Variants in PI4KA observed in about 807,000 individuals in gnomAD.
The protein encoded by PI4KA is phosphatidylinositol 4-kinase alpha.
In PI4KA, 122 loss-of-function variants were observed where a neutral mutation model predicts 271.4. That is an observed-to-expected ratio of 0.45 (90% CI 0.39 to 0.52). The LOEUF is 0.52. Among genes scored for constraint, PI4KA ranks in the 20% least tolerant of loss-of-function variants. The pLI is 0.00. For synonymous variants in PI4KA, 1,041 were observed against 1,078.8 expected (o/e 0.96, Z 0.69); for missense variants, 1,969 against 2,769.1 (o/e 0.71, Z 6.48).
intron 4 of PI4KA, among the ~76,000 whole-genome samples, chr22:20,821,278 G>A (rs1352228858): frequency 6.6e-6 from 1 of 152,146 alleles, no homozygotes; most frequent in Non-Finnish European, 1.5e-5. Context: ...GAGTGCAGTG[G>A]CATGATCTTG....
intron 1 of PI4KA, among the ~76,000 whole-genome samples, chr22:20,843,209 C>A (rs1011550079): frequency 6.6e-6 from 1 of 151,800 alleles, no homozygotes; most frequent in Non-Finnish European, 1.5e-5. Flanking sequence ...GAAAAAAATA[C>A]GGCCAGGCAT....
At chr22:20,731,738 G>A (rs1336713207) in intron 36 of PI4KA, among the ~76,000 whole-genome samples, 1 of 152,176 alleles carries the variant, frequency 6.6e-6, no homozygotes, top group Non-Finnish European at 1.5e-5. Flanking sequence ...GACCATCCTG[G>A]CTAACACGGT....
At chr22:20,782,160 C>G (rs911735653) in intron 19 of PI4KA, among the ~76,000 whole-genome samples, 3 of 152,162 alleles carry the variant, frequency 2.0e-5, no homozygotes, top group Non-Finnish European at 4.4e-5. Context: ...TTGGAGCCCC[C>G]CAAGTACACC....
chr22:20,739,291 A>T (rs1347786049), intron 32 of PI4KA, among the ~76,000 whole-genome samples: 1 of 150,942 alleles, frequency 6.6e-6, no homozygotes, highest in Non-Finnish European at 1.5e-5. Context: ...GTGAGCCAAG[A>T]TCGGGCCACT....
chr22:20,815,944 T>G (rs1023556205), intron 7 of PI4KA, among the ~76,000 whole-genome samples: 5 of 152,016 alleles, frequency 3.3e-5, no homozygotes, highest in Non-Finnish European at 5.9e-5. Flanking sequence ...AACTTCTTTT[T>G]TTTTTTTCCT....
intron 30 of PI4KA, among the ~76,000 whole-genome samples, chr22:20,744,075 C>T (rs1929778807): frequency 6.6e-6 from 1 of 151,988 alleles, no homozygotes; most frequent in Non-Finnish European, 1.5e-5. Context: ...CAAAAACAAA[C>T]AAACAAAAAG....
intron 18 of PI4KA, chr22:20,793,449 A>G (rs932923258): frequency 8.7e-5 from 43 of 494,946 alleles, no homozygotes; most frequent in Non-Finnish European, 1.3e-4. Flanking sequence ...AAAATAAACC[A>G]TGGTTACATA....
At chr22:20,752,822 T>C in intron 25 of PI4KA, 81 bp downstream of exon 25, 1 of 1,442,254 alleles carries the variant, frequency 6.9e-7, no homozygotes, top group Non-Finnish European at 9.7e-7. Flanking sequence ...ATTAATAATA[T>C]AAGGATGATT....
intron 23 of PI4KA, among the ~76,000 whole-genome samples, chr22:20,755,643 A>T (rs1931204018): frequency 6.6e-6 from 1 of 152,064 alleles, no homozygotes; most frequent in African/African-American, 2.4e-5. Flanking sequence ...TCTACTAAAA[A>T]TACAAAAATT....
At chr22:20,720,441 A>G (rs1266272181) in intron 43 of PI4KA, among the ~76,000 whole-genome samples, 2 of 152,182 alleles carry the variant, frequency 1.3e-5, no homozygotes, top group African/African-American at 4.8e-5. Flanking sequence ...AGTCTCAGCT[A>G]CTTGGGAGGA....
chr22:20,827,633 C>T lies in PI4KA; in HGVS notation c.368-3219G>A, dbSNP rs545195986. Among the ~76,000 whole-genome samples, 26 of 152,202 alleles carry T rather than the reference C, an allele frequency of 1.7e-4. No individual in the cohort carries two copies. The South Asian group carries it at 5.0e-3, about 29-fold the overall frequency. On this transcript the variant is annotated intron_variant, in intron 3 of 54. Coordinates refer to ENST00000255882, the MANE Select transcript of PI4KA (RefSeq NM_058004.4). ...GGAATAGCACTGAATCCATAAATTG[C>T]TCTGGGTAGTATGGCCATGTTAACA... is the stretch of plus-strand genomic sequence containing the variant.
chr22:20,813,437 G>A lies in PI4KA; in HGVS notation c.926C>T (p.Ser309Leu). The part of the protein sequence containing the change: ...YYFSTISSSF[S>L]VSPLFNGVTY... ...GACACCGTTGAAAAGGGGAGAGACT[G>A]AGAAGCTGGAGCTGATGGTTGAAAA... The change falls in exon 8 of 55, where the codon TCA (serine) becomes TTA (leucine). Residue 309 changes from serine to leucine, a missense_variant. Ser to Leu is a moderately radical substitution (Grantham distance 145, BLOSUM62 -2). This residue lies in a region of PI4KA where 540 missense variants were observed against 555.5 expected (regional missense o/e 0.97). Coordinates refer to ENST00000255882, the MANE Select transcript of PI4KA (RefSeq NM_058004.4). The A allele has an allele frequency of 6.2e-7, 1 of 1,613,634 alleles. No homozygotes were observed.
chr22:20,761,112 C>A (rs763518024), intron 23 of PI4KA, among the ~76,000 whole-genome samples, 192 bp downstream of exon 23: 1 of 152,214 alleles, frequency 6.6e-6, no homozygotes, highest in South Asian at 2.1e-4. Context: ...TCCTTCTGTT[C>A]GGGGCCCTTG....
At chr22:20,769,627 C>T (rs954533811) in intron 19 of PI4KA, among the ~76,000 whole-genome samples, 7 of 151,196 alleles carry the variant, frequency 4.6e-5, no homozygotes, top group Non-Finnish European at 1.0e-4. Context: ...CAAGATTGCG[C>T]CACTGCACTG....
intron 3 of PI4KA, among the ~76,000 whole-genome samples, chr22:20,827,341 T>G (rs1923554084): frequency 6.6e-6 from 1 of 152,220 alleles, no homozygotes; most frequent in African/African-American, 2.4e-5. Context: ...TTGTTGACTC[T>G]GTTGAAGATC....
At chr22:20,781,701 G>A (rs928598912) in intron 19 of PI4KA, among the ~76,000 whole-genome samples, 2 of 152,196 alleles carry the variant, frequency 1.3e-5, no homozygotes, top group South Asian at 2.1e-4. Flanking sequence ...ACAGGCTTGC[G>A]GCAGACACAC....
Position 20,802,108 on chromosome 22 carries a change from G to T in PI4KA, c.1592-3C>A. 6.2e-7 allele frequency: 1 copy of T among 1,613,230 alleles called. No individual in the cohort carries two copies. Among genetic ancestry groups the T allele is most frequent in the Non-Finnish European group, 8.5e-7 (1 of 1,179,588 alleles). The stretch of plus-strand genomic sequence containing the variant: ...GATTTTTATATCATTGCCAGCAACT[G>T]AAAGTAAAAAATTCAAATATATACC... On this transcript the variant is annotated splice_region_variant and splice_polypyrimidine_tract_variant and intron_variant, in intron 13 of 54. Transcript: ENST00000255882.
At chr22:20,728,107 C>T (rs1378694417) in intron 39 of PI4KA, among the ~76,000 whole-genome samples, 1 of 152,150 alleles carries the variant, frequency 6.6e-6, no homozygotes, top group Admixed American at 6.5e-5. Flanking sequence ...AAGAGTGTAA[C>T]TGGATTGTTT....
In PI4KA at chr22:20,727,755, G is replaced by A; in HGVS notation, c.4773+19C>T. ...TTTGTGCAGTTTGAACTCAGGCCCT[G>A]GTACGTGGGCTACACTACCTTGATT... On this transcript the variant is annotated intron_variant, in intron 40 of 54. Transcript: ENST00000255882. 1 of 1,590,844 alleles carries A rather than the reference G, an allele frequency of 6.3e-7. No individual in the cohort carries two copies. Among genetic ancestry groups the A allele is most frequent in the Non-Finnish European group, 8.6e-7 (1 of 1,159,284 alleles).
Sources: allele counts gnomAD v4.1 joint callset (sites outside exome capture counted in the v4.1 genomes callset), GRCh38; gene constraint gnomAD v4.1.1; regional missense constraint gnomAD v4.1.1; transcripts MANE v1.5; gene names NCBI Gene and HGNC (gene_info 2026-07-23, HGNC 2026-07-21).